Variants in MACROD2 observed in about 807,000 individuals in gnomAD.
MACROD2 encodes ADP-ribose glycohydrolase MACROD2.
A neutral mutation model predicts 70.4 loss-of-function variants in MACROD2; 36 were observed. That is an observed-to-expected ratio of 0.51 (90% CI 0.39 to 0.68). MACROD2 has a LOEUF of 0.68. Ranked by LOEUF, MACROD2 falls within the 30% of genes least tolerant of loss-of-function variation. The probability of loss-of-function intolerance (pLI) is 0.00; values close to 1 mark genes in which losing one functional copy is unlikely to be tolerated. For synonymous variants in MACROD2, 172 were observed against 178.8 expected (o/e 0.96, Z 0.30); for missense variants, 496 against 538.4 (o/e 0.92, Z 0.78).
At chr20:15,220,866 C>G (rs757157226) in intron 5 of MACROD2, among the ~76,000 whole-genome samples, 1 of 152,172 alleles carries the variant, frequency 6.6e-6, no homozygotes, top group Admixed American at 6.5e-5. Flanking sequence ...TATGCACTGG[C>G]ACATAGTGGG....
intron 2 of MACROD2, among the ~76,000 whole-genome samples, chr20:14,037,154 C>T (rs2053323269): frequency 6.6e-6 from 1 of 151,946 alleles, no homozygotes; most frequent in East Asian, 1.9e-4. Context: ...TGAAAGGTAG[C>T]CTTGAGATGT....
intron 4 of MACROD2, among the ~76,000 whole-genome samples, chr20:14,645,293 A>G (rs1300812988): frequency 6.6e-6 from 1 of 152,060 alleles, no homozygotes; most frequent in East Asian, 1.9e-4. Context: ...TGAATTTTTC[A>G]TTGTAGTTGA....
At chr20:14,966,815 T>G (rs1230635959) in intron 5 of MACROD2, among the ~76,000 whole-genome samples, 1 of 152,114 alleles carries the variant, frequency 6.6e-6, no homozygotes, top group South Asian at 2.1e-4. Flanking sequence ...TGCCATTGTA[T>G]GTACAGGCAT....
intron 5 of MACROD2, among the ~76,000 whole-genome samples, chr20:14,952,138 CTCTAAT>C (rs1375455580): frequency 2.6e-5 from 4 of 152,088 alleles, no homozygotes; most frequent in African/African-American, 9.7e-5. Context: ...CAGATTACAG[CTCTAAT>C]TCTAACTAAT....
chr20:14,325,646 T>A, intron 3 of MACROD2: 1 of 1,613,798 alleles, frequency 6.2e-7, no homozygotes, highest in South Asian at 1.1e-5. Flanking sequence ...TTGTACAGAT[T>A]CATTCCATTA....
At chr20:14,704,849 T>C (rs529456783) in intron 5 of MACROD2, among the ~76,000 whole-genome samples, 2 of 152,272 alleles carry the variant, frequency 1.3e-5, no homozygotes, top group South Asian at 4.1e-4. Flanking sequence ...CCTTGGAAGC[T>C]GGGAAATGCA....
chr20:14,172,303 C>CTTTT lies in MACROD2; in HGVS notation c.271+86591_271+86594dup, dbSNP rs142877520. Among the ~76,000 whole-genome samples, 90 of 112,192 alleles carry CTTTT rather than the reference C, an allele frequency of 8.0e-4. 2 individuals are homozygous for CTTTT. Among genetic ancestry groups the CTTTT allele is most frequent in the Admixed American group, 1.0e-3 (9 of 8,846 alleles). The allele number at this position is 112,192 out of a possible 152,430, so 73.6% of individuals were successfully genotyped here. A position where few individuals can be genotyped will look rare whatever the true frequency, so the allele number is the denominator to read the frequency against. On this transcript the variant is annotated intron_variant, in intron 3 of 17. Transcript: ENST00000684519. ...TCTTATCCATTCTGCCATTCCGTAC[C>CTTTT]TTTTTTTTTTTTTTTTTTTGAGATG...
chr20:15,986,686 A>G (rs1316738539), intron 13 of MACROD2, 41 bp from the exon 14 acceptor site: 12 of 1,481,898 alleles, frequency 8.1e-6, no homozygotes, highest in Non-Finnish European at 1.1e-5. Context: ...ACGGTCATGC[A>G]TATCACATTT....
chr20:15,235,179 G>GA (rs1319941153), intron 6 of MACROD2, among the ~76,000 whole-genome samples: 4 of 151,870 alleles, frequency 2.6e-5, no homozygotes, highest in South Asian at 2.1e-4. Context: ...GTTTTATTTT[G>GA]AAAAAAACAT....
At chr20:14,684,102 G>A (rs901436910) in intron 4 of MACROD2, among the ~76,000 whole-genome samples, 1 of 152,154 alleles carries the variant, frequency 6.6e-6, no homozygotes, top group South Asian at 2.1e-4. Flanking sequence ...GGCTGGTCAC[G>A]GGCACAAAGC....
At chr20:14,267,067 G>T (rs1374237206) in intron 3 of MACROD2, among the ~76,000 whole-genome samples, 5 of 152,190 alleles carry the variant, frequency 3.3e-5, no homozygotes, top group African/African-American at 1.2e-4. Flanking sequence ...GGTAGTGTCA[G>T]GTCTTAATTA....
At chr20:14,134,917 A>G (rs1374523158) in intron 3 of MACROD2, among the ~76,000 whole-genome samples, 2 of 152,034 alleles carry the variant, frequency 1.3e-5, no homozygotes, top group African/African-American at 2.4e-5. Context: ...CCATGAAGCT[A>G]TTTCCATTAA....
chr20:15,605,701 G>T (rs1012933538), intron 8 of MACROD2, among the ~76,000 whole-genome samples: 1 of 152,118 alleles, frequency 6.6e-6, no homozygotes, highest in African/African-American at 2.4e-5. Flanking sequence ...TTCTAATTTA[G>T]AAGCAGTAGT....
intron 8 of MACROD2, among the ~76,000 whole-genome samples, chr20:15,726,216 A>T (rs1373461641): frequency 6.6e-6 from 1 of 152,128 alleles, no homozygotes; most frequent in Admixed American, 6.5e-5. Context: ...TTCTCTTAGG[A>T]TAATTGCCCC....
intron 6 of MACROD2, among the ~76,000 whole-genome samples, chr20:15,394,171 A>G (rs552177458): frequency 6.6e-6 from 1 of 152,332 alleles, no homozygotes; most frequent in African/African-American, 2.4e-5. Flanking sequence ...AGTGCAGCAA[A>G]CGTAATATAG....
chr20:14,156,130 C>G (rs111634187), intron 3 of MACROD2, among the ~76,000 whole-genome samples: 2,018 of 152,184 alleles, frequency 0.013, 20 homozygotes, highest in Non-Finnish European at 0.021. Flanking sequence ...CCACTGCACT[C>G]CAGCCTGGGC....
chr20:15,686,602 G>A (rs2050227985), intron 8 of MACROD2, among the ~76,000 whole-genome samples: 1 of 152,142 alleles, frequency 6.6e-6, no homozygotes. Flanking sequence ...GCCGGGCATG[G>A]TGGCTCATGC....
At chr20:14,418,614 A>C (rs1424196269) in intron 3 of MACROD2, among the ~76,000 whole-genome samples, 1 of 152,248 alleles carries the variant, frequency 6.6e-6, no homozygotes, top group East Asian at 1.9e-4. Context: ...TAACAGTTCC[A>C]CAAATAGCCA....
At chr20:15,913,829 T>C (rs2065271433) in intron 10 of MACROD2, among the ~76,000 whole-genome samples, 1 of 152,234 alleles carries the variant, frequency 6.6e-6, no homozygotes, top group African/African-American at 2.4e-5. Flanking sequence ...GTGAAAGTGC[T>C]TATAGTATTT....
Sources: gnomAD v4.1 joint callset for allele counts (sites outside exome capture counted in the v4.1 genomes callset) on GRCh38, gnomAD v4.1.1 for gene constraint, MANE v1.5 for transcripts, NCBI Gene and HGNC (gene_info 2026-07-23, HGNC 2026-07-21) for gene names.